Variants in RALYL observed in about 807,000 individuals in gnomAD.
RALYL encodes the protein RALY RNA binding protein like.
A neutral mutation model predicts 35.1 loss-of-function variants in RALYL; 29 were observed. The observed-to-expected ratio is 0.83, with a 90% CI of 0.61 to 1.13. The LOEUF is 1.13. Ranked by LOEUF, RALYL falls within the 50% of genes most tolerant of loss-of-function variation. RALYL has a pLI of 0.00. For synonymous variants in RALYL, 120 were observed against 127.6 expected (o/e 0.94, Z 0.40); for missense variants, 359 against 360.4 (o/e 1.00, Z 0.03).
intron 1 of RALYL, among the ~76,000 whole-genome samples, chr8:84,364,702 A>G (rs1462592176): frequency 1.3e-5 from 2 of 152,188 alleles, no homozygotes; most frequent in Admixed American, 6.5e-5. Flanking sequence ...GTTATAAATC[A>G]TCACATAGCA....
intron 2 of RALYL, among the ~76,000 whole-genome samples, chr8:84,713,980 A>G (rs1304516836): frequency 1.3e-5 from 2 of 151,572 alleles, no homozygotes; most frequent in East Asian, 1.9e-4. Context: ...TAAAAATATG[A>G]TTATATGAGA....
intron 1 of RALYL, among the ~76,000 whole-genome samples, chr8:84,239,103 A>G (rs926405233): frequency 6.6e-6 from 1 of 152,326 alleles, no homozygotes; most frequent in Non-Finnish European, 1.5e-5. Context: ...GCTTGAGGCT[A>G]CATAACCACA....
At chr8:84,703,330 A>G (rs1175077450) in intron 2 of RALYL, among the ~76,000 whole-genome samples, 1 of 152,160 alleles carries the variant, frequency 6.6e-6, no homozygotes, top group Non-Finnish European at 1.5e-5. Context: ...GGAGCTGGAA[A>G]TTGCCTATAT....
chr8:84,881,773 T>C (rs975290379), intron 7 of RALYL, among the ~76,000 whole-genome samples: 1 of 152,006 alleles, frequency 6.6e-6, no homozygotes, highest in Non-Finnish European at 1.5e-5. Flanking sequence ...TTTAGCTAAC[T>C]AGAACATGTG....
At chr8:84,746,816 C>A (rs1808714236) in intron 2 of RALYL, among the ~76,000 whole-genome samples, 1 of 149,816 alleles carries the variant, frequency 6.7e-6, no homozygotes, top group African/African-American at 2.5e-5. Flanking sequence ...ACTTAATAAC[C>A]AAATATTATG....
intron 4 of RALYL, among the ~76,000 whole-genome samples, chr8:84,848,746 A>T (rs1292072886): frequency 6.6e-6 from 1 of 152,228 alleles, no homozygotes; most frequent in Non-Finnish European, 1.5e-5. Context: ...GAATGTACTT[A>T]ACGCCATTGA....
intron 1 of RALYL, among the ~76,000 whole-genome samples, chr8:84,375,815 C>T (rs2131522978): frequency 6.6e-6 from 1 of 151,846 alleles, no homozygotes; most frequent in South Asian, 2.1e-4. Context: ...ATGAGAAGTC[C>T]TTGGCCAAAA....
At chr8:84,839,459 A>C (rs1212723488) in intron 4 of RALYL, among the ~76,000 whole-genome samples, 1 of 152,242 alleles carries the variant, frequency 6.6e-6, no homozygotes, top group Non-Finnish European at 1.5e-5. Context: ...GTAGGTAAAC[A>C]AAATGGCCAG....
chr8:84,813,608 T>C (rs1826419691), intron 4 of RALYL, among the ~76,000 whole-genome samples: 1 of 152,238 alleles, frequency 6.6e-6, no homozygotes, highest in Non-Finnish European at 1.5e-5. Flanking sequence ...AATGTGTGAA[T>C]TATATTAATG....
At chr8:84,713,896 T>C (rs1368371467) in intron 2 of RALYL, among the ~76,000 whole-genome samples, 1 of 151,198 alleles carries the variant, frequency 6.6e-6, no homozygotes. Flanking sequence ...TATATAAATA[T>C]CATATCTCAG....
intron 8 of RALYL, among the ~76,000 whole-genome samples, chr8:84,916,902 A>T (rs1202781980): frequency 1.3e-5 from 2 of 152,200 alleles, no homozygotes; most frequent in Non-Finnish European, 2.9e-5. Flanking sequence ...TAATACTTAT[A>T]GGAAAAGTTT....
At chr8:84,864,708 C>T (rs1838826319) in intron 6 of RALYL, 7 of 548,126 alleles carry the variant, frequency 1.3e-5, no homozygotes, top group South Asian at 1.2e-4. Context: ...AGGTGCAACC[C>T]CAGTAAGATA....
At chr8:84,843,432 G>C (rs1159464491) in intron 4 of RALYL, among the ~76,000 whole-genome samples, 1 of 152,082 alleles carries the variant, frequency 6.6e-6, no homozygotes, top group African/African-American at 2.4e-5. Context: ...ACCTCTTCAA[G>C]GAGAACTACA....
At chr8:84,897,749 T>G (rs1164110100) in intron 8 of RALYL, among the ~76,000 whole-genome samples, 2 of 152,174 alleles carry the variant, frequency 1.3e-5, no homozygotes, top group Admixed American at 6.5e-5. Flanking sequence ...CCGAAAGAAT[T>G]TTTAATTAAA....
chr8:84,705,018 A>C (rs1353372472), intron 2 of RALYL, among the ~76,000 whole-genome samples: 1 of 152,216 alleles, frequency 6.6e-6, no homozygotes, highest in Non-Finnish European at 1.5e-5. Flanking sequence ...TTTCACTAGC[A>C]TGTGGGTCCT....
chr8:84,439,035 G>C (rs749642988), intron 1 of RALYL, among the ~76,000 whole-genome samples: 1 of 151,640 alleles, frequency 6.6e-6, no homozygotes, highest in Non-Finnish European at 1.5e-5. Context: ...CTTCAGCTTT[G>C]TTTTGTTTTG....
At chr8:84,453,886 AT>A (rs2049812178) in intron 1 of RALYL, among the ~76,000 whole-genome samples, 1 of 152,016 alleles carries the variant, frequency 6.6e-6, no homozygotes, top group Non-Finnish European at 1.5e-5. Context: ...GTTGCCTACC[AT>A]TTTGCAAAAT....
intron 1 of RALYL, among the ~76,000 whole-genome samples, chr8:84,282,973 A>T (rs1463602303): frequency 6.6e-6 from 1 of 151,970 alleles, no homozygotes; most frequent in Non-Finnish European, 1.5e-5. Context: ...TAATGGCATT[A>T]TGATAAGATA....
At chr8:84,221,461 A>G (rs1388687667) in intron 1 of RALYL, among the ~76,000 whole-genome samples, 1 of 152,046 alleles carries the variant, frequency 6.6e-6, no homozygotes, top group Admixed American at 6.6e-5. Flanking sequence ...TAACTGTGTA[A>G]GCTCTGGGGA....
Sources: allele counts gnomAD v4.1 joint callset (sites outside exome capture counted in the v4.1 genomes callset), GRCh38; gene constraint gnomAD v4.1.1; transcripts MANE v1.5; gene names NCBI Gene and HGNC (gene_info 2026-07-23, HGNC 2026-07-21).